Variants in ADK observed in about 807,000 individuals in gnomAD.
The protein encoded by ADK is adenosine kinase.
In ADK, 24 loss-of-function variants were observed where a neutral mutation model predicts 44.7. The ratio of observed to expected loss-of-function variants is 0.54; its 90% CI spans 0.39 to 0.76. The LOEUF is 0.76. ADK is among the 30% of genes least tolerant of loss of function. The pLI is 0.00. For synonymous variants in ADK, 128 were observed against 142.6 expected (o/e 0.90, Z 0.73); for missense variants, 321 against 425.1 (o/e 0.76, Z 2.15).
At chr10:74,236,849 T>C (rs747959142) in intron 3 of ADK, among the ~76,000 whole-genome samples, 3 of 152,234 alleles carry the variant, frequency 2.0e-5, no homozygotes, top group Non-Finnish European at 4.4e-5. Context: ...ATGTAATCTA[T>C]TGTATACAAT....
rs1172945144 is a variant in ADK at position 74,458,119 on chromosome 10, CTTTTT to C, written c.555+59563_555+59567del. On this transcript the variant is annotated intron_variant, in intron 6 of 10. Transcript: ENST00000539909. ...TAATCTTTTTTAATGTGCATTAAAA[CTTTTT>C]TTTTTTTTTTTTTTTTTTTTTTGGG... Among the ~76,000 whole-genome samples, 134 of 74,440 alleles carry C rather than the reference CTTTTT, an allele frequency of 1.8e-3. 1 individual carries two copies. The highest frequency in any genetic ancestry group is 4.6e-3 in the African/African-American group (77 of 16,718). 48.8% of individuals were successfully genotyped at this position (74,440 alleles called of 152,430 possible).
Position 74,218,057 on chromosome 10 carries a change from G to A in ADK, c.141-6481G>A, listed in dbSNP as rs558283493. On this transcript the variant is annotated intron_variant, in intron 2 of 10. Coordinates refer to ENST00000539909, the MANE Select transcript of ADK (RefSeq NM_006721.4). ...GACGAGTTGAAAGAAGAAGGCTTCAGACGATCAAACTACGAGCTACGGGAG... is the reference window on the plus strand; with the variant it reads ...GACGAGTTGAAAGAAGAAGGCTTCAAACGATCAAACTACGAGCTACGGGAG... Among the ~76,000 whole-genome samples, 7 of 152,320 alleles carry A rather than the reference G, an allele frequency of 4.6e-5. No individual in the cohort carries two copies. In the South Asian group the frequency reaches 1.4e-3, roughly 32 times the overall value.
intron 10 of ADK, among the ~76,000 whole-genome samples, chr10:74,686,976 G>A (rs530503555): frequency 3.2e-4 from 49 of 152,170 alleles, no homozygotes; most frequent in African/African-American, 8.2e-4. Context: ...GTGCCTGGCC[G>A]TTACTTAACA....
intron 4 of ADK, among the ~76,000 whole-genome samples, chr10:74,382,273 AT>A (rs1467111478): frequency 6.6e-6 from 1 of 151,668 alleles, no homozygotes. Context: ...TAATTTTTGT[AT>A]TTTTTCTAGA....
intron 4 of ADK, among the ~76,000 whole-genome samples, chr10:74,333,079 A>G (rs1183089999): frequency 1.3e-5 from 2 of 152,176 alleles, no homozygotes; most frequent in Non-Finnish European, 2.9e-5. Context: ...TTCACTTTCC[A>G]TTCTAACAGT....
At chr10:74,554,232 ATATATCAAAGAATATG>A (rs1427486268) in intron 7 of ADK, among the ~76,000 whole-genome samples, 1 of 152,090 alleles carries the variant, frequency 6.6e-6, no homozygotes, top group Non-Finnish European at 1.5e-5. Context: ...GAAATATTTC[ATATATCAAAGAATATG>A]TCTAACATAT....
chr10:74,395,090 T>C (rs931432891), intron 5 of ADK, among the ~76,000 whole-genome samples: 2 of 152,206 alleles, frequency 1.3e-5, no homozygotes, highest in African/African-American at 4.8e-5. Context: ...CTAGCTATTA[T>C]ATTGTTGGGA....
At chr10:74,488,589 G>GT (rs998053073) in intron 6 of ADK, among the ~76,000 whole-genome samples, 2 of 150,036 alleles carry the variant, frequency 1.3e-5, no homozygotes, top group Non-Finnish European at 3.0e-5. Context: ...GCTTTTGTGA[G>GT]TTTTTTTCCT....
chr10:74,372,299 G>A (rs200971144), intron 4 of ADK: 17 of 759,530 alleles, frequency 2.2e-5, no homozygotes, highest in Non-Finnish European at 3.1e-5. Context: ...TGCCCTCTGC[G>A]CCTATTCATC....
intron 4 of ADK, among the ~76,000 whole-genome samples, chr10:74,390,942 AT>A (rs1292987889): frequency 6.6e-6 from 1 of 152,024 alleles, no homozygotes; most frequent in African/African-American, 2.4e-5. Flanking sequence ...CATCCCTCAG[AT>A]TTTTTGCTTA....
chr10:74,299,743 A>G (rs1020657259), intron 3 of ADK, among the ~76,000 whole-genome samples: 1 of 151,752 alleles, frequency 6.6e-6, no homozygotes, highest in African/African-American at 2.4e-5. Context: ...TTTGTAGACA[A>G]CATTTGAATC....
intron 1 of ADK, among the ~76,000 whole-genome samples, chr10:74,191,738 A>C (rs1021835956): frequency 3.3e-5 from 5 of 152,208 alleles, no homozygotes; most frequent in African/African-American, 1.2e-4. Flanking sequence ...GTGTTATACA[A>C]TAGTATTAAA....
intron 3 of ADK, among the ~76,000 whole-genome samples, chr10:74,248,010 T>C (rs1204407945): frequency 6.6e-6 from 1 of 152,210 alleles, no homozygotes; most frequent in Non-Finnish European, 1.5e-5. Flanking sequence ...TTGAGCCTCA[T>C]GGTGGGGGTG....
At chr10:74,347,257 G>C (rs1841806524) in intron 4 of ADK, among the ~76,000 whole-genome samples, 1 of 151,942 alleles carries the variant, frequency 6.6e-6, no homozygotes, top group African/African-American at 2.4e-5. Flanking sequence ...GGACTAATTA[G>C]GCAGTGGTTG....
chr10:74,429,903 C>T (rs1191762736), intron 6 of ADK, among the ~76,000 whole-genome samples: 2 of 152,174 alleles, frequency 1.3e-5, no homozygotes, highest in East Asian at 1.9e-4. Context: ...ACATTATTCT[C>T]TAAAATTATT....
At chr10:74,600,246 G>A in intron 8 of ADK, 133 bp from the exon 9 acceptor site, 1 of 616,450 alleles carries the variant, frequency 1.6e-6, no homozygotes, top group East Asian at 3.0e-5. Flanking sequence ...TATGGTTAAA[G>A]AAATTTTTAA....
chr10:74,480,724 T>C (rs1847037204), intron 6 of ADK, among the ~76,000 whole-genome samples: 1 of 151,598 alleles, frequency 6.6e-6, no homozygotes, highest in Non-Finnish European at 1.5e-5. Context: ...TTGGGGTCAG[T>C]TTTTCCAGGT....
intron 6 of ADK, among the ~76,000 whole-genome samples, chr10:74,434,079 A>G (rs190573641): frequency 1.4e-4 from 22 of 152,300 alleles, no homozygotes; most frequent in African/African-American, 4.3e-4. Flanking sequence ...ATCATGGCTC[A>G]TTTAGTAAAT....
intron 1 of ADK, among the ~76,000 whole-genome samples, chr10:74,188,511 G>A (rs1402811430): frequency 6.6e-6 from 1 of 151,570 alleles, no homozygotes; most frequent in African/African-American, 2.4e-5. Flanking sequence ...ACCACACCCG[G>A]CTAATTTTTT....
Sources: gnomAD v4.1 joint callset for allele counts (sites outside exome capture counted in the v4.1 genomes callset) on GRCh38, gnomAD v4.1.1 for gene constraint, MANE v1.5 for transcripts, NCBI Gene and HGNC (gene_info 2026-07-23, HGNC 2026-07-21) for gene names.